The following DTWD2 variants were observed in gnomAD, a reference collection of about 807,000 sequenced individuals.
DTWD2 encodes tRNA-uridine aminocarboxypropyltransferase 2.
In DTWD2, 39 loss-of-function variants were observed where a neutral mutation model predicts 31.8. The observed-to-expected ratio is 1.22, with a 90% CI of 0.95 to 1.60. The LOEUF (loss-of-function observed/expected upper bound fraction) is 1.60, where lower values mean the gene tolerates loss of function less well. Among genes scored for constraint, DTWD2 ranks in the 40% most tolerant of loss-of-function variants. The pLI is 0.00. For missense variants in DTWD2, 515 were observed against 381.5 expected (o/e 1.35, Z -2.92); for synonymous variants, 180 against 142.8 (o/e 1.26, Z -1.86).
In DTWD2 at chr5:118,897,907, C is replaced by T. The variant is rs150838475; in HGVS notation, c.597+30630G>A. 7.3e-4 allele frequency among the ~76,000 whole-genome samples: 111 copies of T among 152,252 alleles called. 1 individual carries two copies. The highest frequency in any genetic ancestry group is 2.5e-3 in the Admixed American group (38 of 15,296). Reference sequence around the variant, plus strand: ...TTTTTGAGACAGGGTCTCACTCCTACGCCCAGGGTGGAGTGCAGTGTCACA... The same window carrying T: ...TTTTTGAGACAGGGTCTCACTCCTATGCCCAGGGTGGAGTGCAGTGTCACA... On this transcript the variant is annotated intron_variant, in intron 4 of 5. Coordinates refer to ENST00000510708, the MANE Select transcript of DTWD2 (RefSeq NM_173666.4).
chr5:118,859,954 C>CA (rs1260977929), intron 4 of DTWD2, among the ~76,000 whole-genome samples: 16 of 151,740 alleles, frequency 1.1e-4, no homozygotes, highest in Non-Finnish European at 2.2e-4. Context: ...CCTATCTCTA[C>CA]AAAAAACACA....
At chr5:118,944,983 G>A (rs759951624) in intron 1 of DTWD2, among the ~76,000 whole-genome samples, 6 of 152,130 alleles carry the variant, frequency 3.9e-5, no homozygotes, top group Non-Finnish European at 5.9e-5. Context: ...ATCAAAAAGA[G>A]ATCTCATATC....
chr5:118,952,993 G>T (rs1422334259), intron 1 of DTWD2, among the ~76,000 whole-genome samples: 1 of 152,150 alleles, frequency 6.6e-6, no homozygotes, highest in Admixed American at 6.5e-5. Context: ...ACTTCTAGAT[G>T]ATGAACCCTC....
chr5:118,919,684 T>A (rs1293379244), intron 4 of DTWD2, among the ~76,000 whole-genome samples: 2 of 152,238 alleles, frequency 1.3e-5, no homozygotes, highest in African/African-American at 4.8e-5. Flanking sequence ...GAAATGATTA[T>A]ACTCAGCCAT....
At chr5:118,843,593 T>C (rs1159814511) in intron 5 of DTWD2, among the ~76,000 whole-genome samples, 1 of 152,194 alleles carries the variant, frequency 6.6e-6, no homozygotes, top group East Asian at 1.9e-4. Flanking sequence ...ATACCTAGGA[T>C]GACATACAGA....
intron 4 of DTWD2, among the ~76,000 whole-genome samples, chr5:118,899,201 T>C (rs1269543276): frequency 1.3e-5 from 2 of 152,256 alleles, no homozygotes; most frequent in South Asian, 2.1e-4. Context: ...CTAGAGTTCC[T>C]GAGCTCAAGA....
At chr5:118,856,288 T>G (rs1273717871) in intron 4 of DTWD2, among the ~76,000 whole-genome samples, 1 of 152,254 alleles carries the variant, frequency 6.6e-6, no homozygotes, top group Admixed American at 6.5e-5. Flanking sequence ...CTTGTCTTTT[T>G]AACACTGTTA....
chr5:118,870,310 A>G (rs1463821820), intron 4 of DTWD2, among the ~76,000 whole-genome samples: 1 of 152,214 alleles, frequency 6.6e-6, no homozygotes, highest in Non-Finnish European at 1.5e-5. Context: ...CATAAACTAA[A>G]CATACATCAG....
intron 1 of DTWD2, among the ~76,000 whole-genome samples, chr5:118,947,606 G>A (rs1037483742): frequency 6.6e-6 from 1 of 152,156 alleles, no homozygotes; most frequent in Non-Finnish European, 1.5e-5. Flanking sequence ...TACAGGATGG[G>A]GGTGGAACGG....
At chr5:118,896,243 T>C (rs1753081879) in intron 4 of DTWD2, among the ~76,000 whole-genome samples, 1 of 152,184 alleles carries the variant, frequency 6.6e-6, no homozygotes. Flanking sequence ...AATCACAGGT[T>C]GCAAAGTTTC....
chr5:118,875,079 A>G (rs1248065458), intron 4 of DTWD2, among the ~76,000 whole-genome samples: 1 of 152,200 alleles, frequency 6.6e-6, no homozygotes, highest in East Asian at 1.9e-4. Flanking sequence ...AAGAAAAGAA[A>G]TCCAACCCAG....
chr5:118,966,462 C>G (rs762733286), intron 1 of DTWD2, among the ~76,000 whole-genome samples: 6 of 152,088 alleles, frequency 3.9e-5, no homozygotes, highest in African/African-American at 1.4e-4. Context: ...TATCTGTCAC[C>G]TCAAAGTTAC....
chr5:118,983,648 A>C (rs1049845601), intron 1 of DTWD2, among the ~76,000 whole-genome samples: 3 of 152,344 alleles, frequency 2.0e-5, no homozygotes, highest in African/African-American at 7.2e-5. Context: ...GCATCCTGTT[A>C]CTAACTTAAA....
chr5:118,929,967 G>A (rs902201321), intron 3 of DTWD2, among the ~76,000 whole-genome samples: 16 of 152,068 alleles, frequency 1.1e-4, no homozygotes, highest in African/African-American at 3.1e-4. Flanking sequence ...TCTTCTCCCC[G>A]TCCCAAATGT....
At chr5:118,955,940 A>G (rs1308126905) in intron 1 of DTWD2, among the ~76,000 whole-genome samples, 2 of 152,176 alleles carry the variant, frequency 1.3e-5, no homozygotes, top group African/African-American at 4.8e-5. Context: ...TAGAATTTAT[A>G]TAGATATGAG....
At chr5:118,897,326 A>G (rs756136864) in intron 4 of DTWD2, among the ~76,000 whole-genome samples, 4 of 152,332 alleles carry the variant, frequency 2.6e-5, no homozygotes, top group Non-Finnish European at 4.4e-5. Context: ...CTACAACAGA[A>G]GCTCATTAGA....
chr5:118,984,771 T>C (rs909459152), intron 1 of DTWD2, among the ~76,000 whole-genome samples: 4 of 152,310 alleles, frequency 2.6e-5, no homozygotes, highest in African/African-American at 7.2e-5. Flanking sequence ...ATTATTCCTA[T>C]GACCAATGAT....
At chr5:118,858,823 C>G (rs184529527) in intron 4 of DTWD2, among the ~76,000 whole-genome samples, 13 of 152,272 alleles carry the variant, frequency 8.5e-5, no homozygotes, top group African/African-American at 3.1e-4. Flanking sequence ...TGTCTCAAAA[C>G]AAATACAGCT....
At chr5:118,973,969 A>G (rs1392119717) in intron 1 of DTWD2, 1 of 1,584,684 alleles carries the variant, frequency 6.3e-7, no homozygotes, top group Non-Finnish European at 8.7e-7. Flanking sequence ...AAGAGGAAGA[A>G]GGTGGGGAGG....
Sources: allele counts gnomAD v4.1 joint callset (sites outside exome capture counted in the v4.1 genomes callset), GRCh38; gene constraint gnomAD v4.1.1; transcripts MANE v1.5; gene names NCBI Gene and HGNC (gene_info 2026-07-23, HGNC 2026-07-21).